Variants in TINF2 observed in about 807,000 individuals in gnomAD.
The protein encoded by TINF2 is TERF1 interacting nuclear factor 2.
Under a neutral mutation model 50.4 loss-of-function variants are expected in TINF2, and 27 were observed. The observed-to-expected ratio is 0.54, with a 90% confidence interval of 0.40 to 0.74. TINF2 has a LOEUF of 0.74. Ranked by LOEUF, TINF2 falls within the 30% of genes least tolerant of loss-of-function variation. The probability of loss-of-function intolerance (pLI) is 0.00; values close to 1 mark genes in which losing one functional copy is unlikely to be tolerated. For missense variants in TINF2, 496 were observed against 551.5 expected (o/e 0.90, Z 1.01); for synonymous variants, 223 against 214.6 (o/e 1.04, Z -0.34).
chr14:24,242,459 A>G lies in TINF2; in HGVS notation c.-127T>C. ...TCGCTCCGGTCTGTCGGCTCTGGGTACCTCGCGATCTGACTCGGCTCCCTT... is the reference window on the plus strand; with the variant it reads ...TCGCTCCGGTCTGTCGGCTCTGGGTGCCTCGCGATCTGACTCGGCTCCCTT... On this transcript the variant is annotated 5_prime_UTR_variant, in exon 1 of 9. Coordinates refer to ENST00000267415, the MANE Select transcript of TINF2 (RefSeq NM_001099274.3). 1 of 1,444,808 alleles carries G rather than the reference A, an allele frequency of 6.9e-7. No homozygotes were observed. Among genetic ancestry groups the G allele is most frequent in the Non-Finnish European group, 9.0e-7 (1 of 1,106,102 alleles). 89.5% of individuals were successfully genotyped at this position (1,444,808 alleles called of 1,614,324 possible).
rs780585800 is a variant in TINF2 at position 24,241,134 on chromosome 14, G to A, written c.508-18C>T. On this transcript the variant is annotated intron_variant, in intron 4 of 8. Coordinates refer to ENST00000267415, the MANE Select transcript of TINF2 (RefSeq NM_001099274.3). The stretch of plus-strand genomic sequence containing the variant: ...TCCTGAAGCTGTGGGCAGGGACAGA[G>A]GTATGAAGACCACAATCCTTGAAAC... 1 of 1,614,138 alleles carries A rather than the reference G, an allele frequency of 6.2e-7. No homozygotes were observed. The highest frequency in any genetic ancestry group is 1.6e-4 in the Middle Eastern group (1 of 6,062).
Position 24,242,281 on chromosome 14 carries a change from C to A in TINF2, c.52G>T (p.Ala18Ser). The A allele has an allele frequency of 6.2e-7, 1 of 1,613,934 alleles. No individual in the cohort carries two copies. The highest frequency in any genetic ancestry group is 1.6e-4 in the Middle Eastern group (1 of 6,062). ...CGTCCGCGCACAACCTGCCAGCTAG[C>A]CGCGGCGGCGAAGCGTAGAGCTGCG... ...GPAALRFAAA[A>S]SWQVVRGRCV... The change falls in exon 1 of 9, where the codon GCT becomes TCT. Residue 18 changes from alanine to serine, a missense_variant. By Grantham distance (99) the Ala-to-Ser change is moderately conservative (BLOSUM62 1). Transcript: ENST00000267415.
In TINF2 at chr14:24,241,040, T is replaced by TC. The variant is rs746296004; in HGVS notation, c.583dup (p.Asp195GlyfsTer13). The TC allele has an allele frequency of 6.2e-7, 1 of 1,614,014 alleles. No individual in the cohort carries two copies. Among genetic ancestry groups the TC allele is most frequent in the Non-Finnish European group, 8.5e-7 (1 of 1,180,016 alleles). On this transcript the variant is annotated frameshift_variant, in exon 5 of 9. Transcript: ENST00000267415. LOFTEE classifies it high-confidence loss of function. ...AGTACCTGGAAGCAGCCACCCCATG[T>TC]CCACACCATATTGTCTCCAGGCAAG...
rs770864224 is a variant in TINF2 at position 24,240,440 on chromosome 14, A to G, written c.1040T>C (p.Leu347Ser). 1 of 1,614,156 alleles carries G rather than the reference A, an allele frequency of 6.2e-7. No individual in the cohort carries two copies. The highest frequency in any genetic ancestry group is 8.5e-7 in the Non-Finnish European group (1 of 1,180,022). ...TCACTCCTTTTGCTCTGTGGCAGGC[A>G]AGTCAACTGGGTTCTCCTTCAGAGC... is the stretch of plus-strand genomic sequence containing the variant. ...GRALKENPVD[L>S]PATEQKENCL... The change falls in exon 6 of 9, where the codon TTG becomes TCG. Residue 347 changes from leucine (L) to serine (S), a missense_variant. By Grantham distance (145) the Leu-to-Ser change is moderately radical. This residue lies in a region of TINF2 where 179 missense variants were observed against 188.3 expected (regional missense o/e 0.95). Coordinates refer to ENST00000267415, the MANE Select transcript of TINF2 (RefSeq NM_001099274.3).
At position 24,240,469 on chromosome 14, in the gene TINF2, TC is replaced by T. The variant is rs756029660; in HGVS notation, c.1010del (p.Gly337GlufsTer4). On this transcript the variant is annotated frameshift_variant, in exon 6 of 9. Coordinates refer to ENST00000267415, the MANE Select transcript of TINF2 (RefSeq NM_001099274.3). LOFTEE classifies it high-confidence loss of function. ...CAACTGGGTTCTCCTTCAGAGCCCT[TC>T]CCCCCAGGGTCTGGCATGGACTCTT... ...KSKSPCQTLG[G>X]RALKENPVDL... is the part of the protein sequence containing the mutation. 2 of 1,614,136 alleles carry T rather than the reference TC, an allele frequency of 1.2e-6. No individual in the cohort carries two copies. Among genetic ancestry groups the T allele is most frequent in the Non-Finnish European group, 1.7e-6 (2 of 1,180,020 alleles).
Position 24,240,741 on chromosome 14 carries a change from T to C in TINF2, c.739A>G (p.Arg247Gly). The C allele has an allele frequency of 6.2e-7, 1 of 1,613,426 alleles. No individual in the cohort carries two copies. The highest frequency in any genetic ancestry group is 8.5e-7 in the Non-Finnish European group (1 of 1,179,664). Residue 247 changes from arginine (R) to glycine (G), a missense_variant, in exon 6 of 9, where the codon AGG becomes GGG. Transcript: ENST00000267415. The part of the protein sequence containing the change: ...GTHLPQGPSS[R>G]THPEPLAGRH... ...CCAGCTAGAGGTTCTGGGTGCGTCC[T>C]TGAAGATGGTCCCTGAGGAAGATGT...
rs1337384023 is a variant in TINF2 at position 24,240,846 on chromosome 14, C to T, written c.634G>A (p.Ala212Thr). 6.2e-7 allele frequency: 1 copy of T among 1,613,918 alleles called. No individual in the cohort carries two copies. Among genetic ancestry groups the T allele is most frequent in the South Asian group, 1.1e-5 (1 of 91,076 alleles). Residue 212 changes from alanine (A) to threonine (T), a missense_variant, in exon 6 of 9, where the codon GCT (alanine) becomes ACT (threonine). Ala to Thr is a moderately conservative substitution (Grantham distance 58). Coordinates refer to ENST00000267415, the MANE Select transcript of TINF2 (RefSeq NM_001099274.3). ...GGAGGATTCTGTTCCATGGGCTCAG[C>T]CAGGTTCACTGAGTCAGTAACAGAG... The part of the protein sequence containing the change: ...ECSVTDSVNL[A>T]EPMEQNPPQQ...
Position 24,241,527 on chromosome 14 carries a change from G to C in TINF2, c.399+148C>G, listed in dbSNP as rs535946978. On this transcript the variant is annotated intron_variant, in intron 3 of 8. Transcript: ENST00000267415. ...AGCTACTCGGGAGGCTGAGGCAGGA[G>C]AATCGCTTGAACCCGGGAGGCAGAG... 3 of 812,114 alleles carry C rather than the reference G, an allele frequency of 3.7e-6. No individual in the cohort carries two copies. In the South Asian group the frequency reaches 4.4e-5, roughly 12 times the overall value. 50.3% of individuals were successfully genotyped at this position (812,114 alleles called of 1,614,324 possible). A position where few individuals can be genotyped will look rare whatever the true frequency, so the allele number is the denominator to read the frequency against.
rs2040558735 is a variant in TINF2 at position 24,240,764 on chromosome 14, T to G, written c.716A>C (p.His239Pro). ...NPLPKAKPGT[H>P]LPQGPSSRTH... ...CCTTGAAGATGGTCCCTGAGGAAGA[T>G]GTGTGCCAGGCTTGGCTTTTGGCAG... Residue 239 changes from histidine to proline, a missense_variant, in exon 6 of 9, where the codon CAT becomes CCT. His to Pro is a moderately conservative substitution (Grantham distance 77). Coordinates refer to ENST00000267415, the MANE Select transcript of TINF2 (RefSeq NM_001099274.3). 15 of 1,613,444 alleles carry G rather than the reference T, an allele frequency of 9.3e-6. No individual in the cohort carries two copies. Among genetic ancestry groups the G allele is most frequent in the Non-Finnish European group, 1.2e-5 (14 of 1,179,790 alleles).
Position 24,239,849 on chromosome 14 carries a change from C to T in TINF2, c.1304G>A (p.Gly435Asp), listed in dbSNP as rs759420690. The change falls in exon 9 of 9, where the codon GGT becomes GAT. Residue 435 changes from glycine (G) to aspartate (D), a missense_variant. By Grantham distance (94) the Gly-to-Asp change is moderately conservative (BLOSUM62 -1). Around this residue, in one of 3 missense-constraint regions of TINF2, gnomAD observed 179 missense variants for 188.3 expected, o/e 0.95. Transcript: ENST00000267415. ...LCEYLPPSGH[G>D]AIPVSSCDCR... is the part of the protein sequence containing the mutation. Reference sequence around the variant, plus strand: ...GTCACAGGAAGAAACAGGTATGGCACCGTGGCCAGAAGGGGGTAGGTATTC... The same window carrying T: ...GTCACAGGAAGAAACAGGTATGGCATCGTGGCCAGAAGGGGGTAGGTATTC... 8 of 1,614,018 alleles carry T rather than the reference C, an allele frequency of 5.0e-6. No homozygotes were observed. The African/African-American group carries it at 6.7e-5, about 13-fold the overall frequency.
In TINF2 at chr14:24,241,709, G is replaced by A. The variant is rs1594554632; in HGVS notation, c.365C>T (p.Ser122Leu). ...ETFYQQVKQL[S>L]EAPVDLASKL... ...CGAGGCCAAATCCACAGGAGCCTCT[G>A]ACAGCTGCTTCACCTGCTGGTAAAA... The change falls in exon 3 of 9, where the codon TCA becomes TTA. Residue 122 changes from serine to leucine, a missense_variant. Around this residue, in one of 3 missense-constraint regions of TINF2, gnomAD observed 314 missense variants for 343.8 expected, o/e 0.91. Coordinates refer to ENST00000267415, the MANE Select transcript of TINF2 (RefSeq NM_001099274.3). 6.2e-7 allele frequency: 1 copy of A among 1,613,060 alleles called. No homozygotes were observed. The highest frequency in any genetic ancestry group is 8.5e-7 in the Non-Finnish European group (1 of 1,179,536).
Position 24,240,264 on chromosome 14 carries a change from TG to T in TINF2, c.1127del (p.Pro376GlnfsTer14). Reference sequence around the variant, plus strand: ...CCAATCCTGACTCAGACTACCTACCTGGCTTCCTGGCCCTAGGAGGTAATAA... The same window carrying T: ...CCAATCCTGACTCAGACTACCTACCTGCTTCCTGGCCCTAGGAGGTAATAA... ...LSLLPPRARKPVCPPSLCSSV... is the reference protein window; with the variant it reads ...LSLLPPRARKXVCPPSLCSSV... On this transcript the variant is annotated frameshift_variant and splice_region_variant, in exon 7 of 9. Transcript: ENST00000267415. LOFTEE classifies it high-confidence loss of function. 6.2e-7 allele frequency: 1 copy of T among 1,614,026 alleles called. No homozygotes were observed. Among genetic ancestry groups the T allele is most frequent in the South Asian group, 1.1e-5 (1 of 91,076 alleles).
Position 24,240,115 on chromosome 14 carries a change from C to T in TINF2, c.1170G>A (p.Gly390=), listed in dbSNP as rs753253279. 2 of 1,614,092 alleles carry T rather than the reference C, an allele frequency of 1.2e-6. No individual in the cohort carries two copies. Among genetic ancestry groups the T allele is most frequent in the Admixed American group, 3.3e-5 (2 of 60,014 alleles). Residue 390 remains glycine (G), a synonymous_variant, in exon 8 of 9, where the codon GGG becomes GGA. Transcript: ENST00000267415. ...CCTCATCAGAGTCTAAAACCAAGTC[C>T]CCTATGGTAATGACGGAGCTGCACA... The part of the protein sequence containing the change: ...PSLCSSVITI[G]DLVLDSDEEE...
At position 24,240,076 on chromosome 14, in the gene TINF2, CT is replaced by C; in HGVS notation, c.1208del (p.Gln403ArgfsTer19). 2 of 1,614,140 alleles carry C rather than the reference CT, an allele frequency of 1.2e-6. No individual in the cohort carries two copies. Among genetic ancestry groups the C allele is most frequent in the African/African-American group, 1.3e-5 (1 of 75,004 alleles). ...VLDSDEEENG[Q>X]GEGKESLENY... Reference sequence around the variant, plus strand: ...CCTTCCCACTCACCTTTCCTTCCCCCTGGCCATTTTCTTCCTCATCAGAGTC... The same window carrying C: ...CCTTCCCACTCACCTTTCCTTCCCCCGGCCATTTTCTTCCTCATCAGAGTC... On this transcript the variant is annotated frameshift_variant, in exon 8 of 9. Transcript: ENST00000267415. LOFTEE classifies it low-confidence loss of function (END_TRUNC).
At chr14:24,241,857 CTG>C (rs2040587023) in intron 2 of TINF2, 31 bp downstream of exon 2, 5 of 1,613,908 alleles carry the variant, frequency 3.1e-6, no homozygotes, top group East Asian at 2.2e-5. Flanking sequence ...CCAAGTGTAA[CTG>C]GGGTCAGGGC....
rs1594552955 is a variant in TINF2 at position 24,241,080 on chromosome 14, A to G, written c.544T>C (p.Ser182Pro). 6.2e-7 allele frequency: 1 copy of G among 1,614,044 alleles called. No homozygotes were observed. The highest frequency in any genetic ancestry group is 8.5e-7 in the Non-Finnish European group (1 of 1,180,028). Reference protein sequence around the residue: ...DVLSWMQPGVSITSSLAWRQY... With the variant: ...DVLSWMQPGVPITSSLAWRQY... ...CTCCAGGCAAGAGAAGAGGTGATAG[A>G]GACTCCAGGCTGCATCCAACTCAGC... The change falls in exon 5 of 9, where the codon TCT becomes CCT. Residue 182 changes from serine to proline, a missense_variant. Ser to Pro is a moderately conservative substitution (Grantham distance 74, BLOSUM62 -1). This residue lies in a region of TINF2 where 314 missense variants were observed against 343.8 expected (regional missense o/e 0.91). Transcript: ENST00000267415.
chr14:24,239,820 T>C lies in TINF2; in HGVS notation c.1333A>G (p.Arg445Gly), dbSNP rs2138994183. 2 of 1,614,172 alleles carry C rather than the reference T, an allele frequency of 1.2e-6. No homozygotes were observed. The highest frequency in any genetic ancestry group is 1.1e-5 in the South Asian group (1 of 91,088). The change falls in exon 9 of 9, where the codon AGA (arginine) becomes GGA (glycine). Residue 445 changes from arginine to glycine, a missense_variant. Around this residue, in one of 3 missense-constraint regions of TINF2, gnomAD observed 179 missense variants for 188.3 expected, o/e 0.95. Coordinates refer to ENST00000267415, the MANE Select transcript of TINF2 (RefSeq NM_001099274.3). ...GAIPVSSCDC[R>G]DSSRPL is the part of the protein sequence containing the mutation. ...TATCACAAAGGTCTAGAACTGTCTC[T>C]ACAGTCACAGGAAGAAACAGGTATG...
chr14:24,242,141 C>T lies in TINF2; in HGVS notation c.192G>A (p.Lys64=). The T allele has an allele frequency of 6.2e-7, 1 of 1,614,278 alleles. No individual in the cohort carries two copies. Among genetic ancestry groups the T allele is most frequent in the Non-Finnish European group, 8.5e-7 (1 of 1,180,048 alleles). ...HERLCMGLKA[K]VVVELILQGR... ...TTCCAGGTCCTACTTGCTCCAATAC[C>T]TTGGCCTTTAGGCCCATACAAAGGC... Residue 64 remains lysine, a splice_region_variant and synonymous_variant, in exon 1 of 9, where the codon AAG becomes AAA. Coordinates refer to ENST00000267415, the MANE Select transcript of TINF2 (RefSeq NM_001099274.3).
rs1402849034 is a variant in TINF2 at position 24,242,336 on chromosome 14, C to A, written c.-4G>T. 1.9e-6 allele frequency: 3 copies of A among 1,610,420 alleles called. No homozygotes were observed. The highest frequency in any genetic ancestry group is 2.2e-5 in the South Asian group (2 of 90,862). On this transcript the variant is annotated 5_prime_UTR_variant, in exon 1 of 9. Transcript: ENST00000267415. ...CCGCCACCAGGGGCGTAGCCATGGT[C>A]GGCGGGCTCCGCCCGGAGGCGGTCC...
Sources: gnomAD v4.1 joint callset for allele counts on GRCh38, gnomAD v4.1.1 for gene constraint, gnomAD v4.1.1 regional missense constraint, MANE v1.5 for transcripts, NCBI Gene and HGNC (gene_info 2026-07-23, HGNC 2026-07-21) for gene names.